Variants in KCNQ1 observed in about 807,000 individuals in gnomAD.
The protein encoded by KCNQ1 is potassium voltage-gated channel subfamily KQT member 1.
Under a neutral mutation model 72.4 loss-of-function variants are expected in KCNQ1, and 49 were observed. That is an observed-to-expected ratio of 0.68 (90% confidence interval 0.54 to 0.86). The LOEUF is 0.86. KCNQ1 is among the 40% of genes least tolerant of loss of function. KCNQ1 has a pLI of 0.00. For missense variants in KCNQ1, 790 were observed against 945.1 expected (o/e 0.84, Z 2.15); for synonymous variants, 450 against 412.6 (o/e 1.09, Z -1.10).
intron 10 of KCNQ1, chr11:2,637,276 G>C (rs1849487030): frequency 6.6e-6 from 1 of 151,866 alleles, no homozygotes; most frequent in African/African-American, 2.4e-5. Context: ...GTGATGTTAG[G>C]GCATCAATTT....
At chr11:2,732,032 A>C (rs1845866419) in intron 11 of KCNQ1, among the ~76,000 whole-genome samples, 1 of 152,192 alleles carries the variant, frequency 6.6e-6, no homozygotes, top group Admixed American at 6.5e-5. Context: ...CTCCCCCTTC[A>C]GAGGAATGGG....
intron 2 of KCNQ1, among the ~76,000 whole-genome samples, chr11:2,556,410 G>A (rs1172889725): frequency 6.6e-6 from 1 of 152,148 alleles, no homozygotes; most frequent in Admixed American, 6.5e-5. Context: ...TAATCCAAGG[G>A]TCCGTAAACC....
At chr11:2,799,385 T>C (rs1590096830) in intron 15 of KCNQ1, among the ~76,000 whole-genome samples, 1 of 151,888 alleles carries the variant, frequency 6.6e-6, no homozygotes, top group South Asian at 2.1e-4. Context: ...AGTGTGTGTG[T>C]GTGTGTGTGT....
At chr11:2,532,193 T>C (rs1847650595) in intron 2 of KCNQ1, among the ~76,000 whole-genome samples, 1 of 152,120 alleles carries the variant, frequency 6.6e-6, no homozygotes. Context: ...CAAGCATCTG[T>C]CTGCCTCAGG....
At position 2,703,837 on chromosome 11, in the gene KCNQ1, C is replaced by T. The variant is rs1187442670; in HGVS notation, c.1514+41756C>T. Among the ~76,000 whole-genome samples, 1 of 152,216 alleles carries T rather than the reference C, an allele frequency of 6.6e-6. No homozygotes were observed. The highest frequency in any genetic ancestry group is 1.5e-5 in the Non-Finnish European group (1 of 68,040). On this transcript the variant is annotated intron_variant, in intron 11 of 15. Coordinates refer to ENST00000155840, the MANE Select transcript of KCNQ1 (RefSeq NM_000218.3). This position sits in a 1 kb window ranked among gnomAD's most constrained non-coding sequence, Gnocchi z 6.4. ...CCACCCTCGGAGTCTAAGGGTGGAA[C>T]CATCTTCAGACCCAGCCAGGTTCCC...
At position 2,781,422 on chromosome 11, in the gene KCNQ1, G is replaced by C. The variant is rs533741830; in HGVS notation, c.1794+3385G>C. On this transcript the variant is annotated intron_variant, in intron 15 of 15. Transcript: ENST00000155840. This position sits in a 1 kb window ranked among gnomAD's most constrained non-coding sequence, Gnocchi z 6.6. Reference sequence around the variant, plus strand: ...TGAGGAGGGTTGAGGCCAGGGGCAGGCTGGGGGCACCAGCAGCAGGGCCCA... The same window carrying C: ...TGAGGAGGGTTGAGGCCAGGGGCAGCCTGGGGGCACCAGCAGCAGGGCCCA... Among the ~76,000 whole-genome samples the C allele has an allele frequency of 6.6e-6, 1 of 152,170 alleles. No homozygotes were observed. Among genetic ancestry groups the C allele is most frequent in the East Asian group, 1.9e-4 (1 of 5,156 alleles).
chr11:2,485,721 C>A (rs1216574668), intron 1 of KCNQ1, among the ~76,000 whole-genome samples: 1 of 152,168 alleles, frequency 6.6e-6, no homozygotes, highest in African/African-American at 2.4e-5. Flanking sequence ...TGGCACCTAC[C>A]ATTTACCTTT....
rs1263029148 is a variant in KCNQ1, at chr11:2,809,552, G to A, written c.1794+31515G>A. Among the ~76,000 whole-genome samples, 1 of 152,130 alleles carries A rather than the reference G, an allele frequency of 6.6e-6. No homozygotes were observed. Among genetic ancestry groups the A allele is most frequent in the Non-Finnish European group, 1.5e-5 (1 of 68,040 alleles). On this transcript the variant is annotated intron_variant, in intron 15 of 15. Transcript: ENST00000155840. The surrounding 1 kb of genome is among the most constrained non-coding windows in gnomAD (Gnocchi z 7.1). Reference sequence around the variant, plus strand: ...TGAAGGTGGCAACAGACTCCCCATAGTCCTCTCACCACAGACACCTCTTCT... The same window carrying A: ...TGAAGGTGGCAACAGACTCCCCATAATCCTCTCACCACAGACACCTCTTCT...
chr11:2,587,417 A>C (rs936748823), intron 8 of KCNQ1, among the ~76,000 whole-genome samples, 153 bp from the exon 9 acceptor site: 2 of 152,060 alleles, frequency 1.3e-5, no homozygotes, highest in Non-Finnish European at 2.9e-5. Flanking sequence ...GGGAGCTGGG[A>C]CCATGTCAAG....
At position 2,808,827 on chromosome 11, in the gene KCNQ1, A is replaced by G. The variant is rs1314031029; in HGVS notation, c.1794+30790A>G. ...GTTAGATACATGGGCAGATTAATGG[A>G]TGGACAGATTGTTGTATGGAGGATT... On this transcript the variant is annotated intron_variant, in intron 15 of 15. Coordinates refer to ENST00000155840, the MANE Select transcript of KCNQ1 (RefSeq NM_000218.3). This position sits in a 1 kb window ranked among gnomAD's most constrained non-coding sequence, Gnocchi z 6.0. 6.6e-6 allele frequency among the ~76,000 whole-genome samples: 1 copy of G among 152,144 alleles called. No individual in the cohort carries two copies. The highest frequency in any genetic ancestry group is 2.4e-5 in the African/African-American group (1 of 41,412).
intron 15 of KCNQ1, among the ~76,000 whole-genome samples, chr11:2,799,495 T>C (rs1054621209): frequency 6.6e-6 from 1 of 151,756 alleles, no homozygotes; most frequent in African/African-American, 2.4e-5. Flanking sequence ...GTGTGTGTTT[T>C]GTTGTATGTG....
chr11:2,722,582 G>C (rs2133931493), intron 11 of KCNQ1, among the ~76,000 whole-genome samples: 1 of 152,316 alleles, frequency 6.6e-6, no homozygotes, highest in East Asian at 1.9e-4. Flanking sequence ...AATAGAACTG[G>C]CAGTGGGGTT....
At chr11:2,771,016 C>T (rs1347851321) in intron 12 of KCNQ1, among the ~76,000 whole-genome samples, 2 of 152,250 alleles carry the variant, frequency 1.3e-5, no homozygotes, top group Admixed American at 6.5e-5. Flanking sequence ...CAGCTGACGT[C>T]ACCCCAGCAG....
chr11:2,555,665 G>A (rs2283163), intron 2 of KCNQ1, among the ~76,000 whole-genome samples: 21,386 of 152,278 alleles, frequency 0.14, 1,598 homozygotes, highest in East Asian at 0.23. Flanking sequence ...CCTGATTTGC[G>A]GGCAGCCCCA....
chr11:2,474,794 G>A (rs990830536), intron 1 of KCNQ1, among the ~76,000 whole-genome samples: 3 of 152,108 alleles, frequency 2.0e-5, no homozygotes, highest in African/African-American at 7.2e-5. Flanking sequence ...CCATGGCCAG[G>A]TGGATTAGTG....
chr11:2,596,869 T>C (rs1367935194), intron 10 of KCNQ1, among the ~76,000 whole-genome samples: 5 of 151,422 alleles, frequency 3.3e-5, no homozygotes, highest in Non-Finnish European at 7.4e-5. Flanking sequence ...AAACTGTTTA[T>C]AATATATAAT....
rs778834493 is a variant in KCNQ1 at position 2,583,458 on chromosome 11, T to C, written c.945T>C (p.Tyr315=). The part of the protein sequence containing the change: ...WGVVTVTTIG[Y]GDKVPQTWVG... ...AGGTCACAGTCACCACCATCGGCTATGGGGACAAGGTGCCCCAGACGTGGG... is the reference window on the plus strand; with the variant it reads ...AGGTCACAGTCACCACCATCGGCTACGGGGACAAGGTGCCCCAGACGTGGG... Residue 315 remains tyrosine, a synonymous_variant, in exon 7 of 16, where the codon TAT becomes TAC. Coordinates refer to ENST00000155840, the MANE Select transcript of KCNQ1 (RefSeq NM_000218.3). 1 of 1,613,754 alleles carries C rather than the reference T, an allele frequency of 6.2e-7. No homozygotes were observed. Among genetic ancestry groups the C allele is most frequent in the East Asian group, 2.2e-5 (1 of 44,876 alleles).
intron 1 of KCNQ1, among the ~76,000 whole-genome samples, chr11:2,520,981 C>T (rs1847372739): frequency 6.6e-6 from 1 of 152,120 alleles, no homozygotes; most frequent in Non-Finnish European, 1.5e-5. Flanking sequence ...ATCTCATTCA[C>T]CAGCCACGGG....
chr11:2,450,849 G>T lies in KCNQ1; in HGVS notation c.386+5365G>T, dbSNP rs1565025507. Among the ~76,000 whole-genome samples the T allele has an allele frequency of 1.3e-5, 2 of 152,310 alleles. No individual in the cohort carries two copies. The highest frequency in any genetic ancestry group is 3.9e-4 in the East Asian group (2 of 5,180). On this transcript the variant is annotated intron_variant, in intron 1 of 15. Transcript: ENST00000155840. The surrounding 1 kb of genome is among the most constrained non-coding windows in gnomAD (Gnocchi z 7.9). ...ACGAGGCATCTGACCATGTGATAGG[G>T]TGTGGCTTCTGCTGCCTGGCCCAGC...
Sources: allele counts gnomAD v4.1 joint callset (sites outside exome capture counted in the v4.1 genomes callset), GRCh38; gene constraint gnomAD v4.1.1; non-coding constraint Gnocchi (gnomAD v3.1); transcripts MANE v1.5; gene names NCBI Gene and HGNC (gene_info 2026-07-23, HGNC 2026-07-21).